The following CCSER1 variants were observed in gnomAD, a reference collection of about 807,000 sequenced individuals.
CCSER1 encodes coiled-coil serine rich protein 1.
CCSER1 carries 41 observed loss-of-function variants against 82.0 expected under a neutral mutation model. The observed-to-expected ratio is 0.50, with a 90% CI of 0.39 to 0.65. The LOEUF is 0.65. Among genes scored for constraint, CCSER1 ranks in the 30% least tolerant of loss-of-function variants. The pLI is 0.00. For synonymous variants in CCSER1, 414 were observed against 383.9 expected, an observed-to-expected ratio of 1.08 and a Z score of -0.92; for missense variants, 1,119 against 1,064.2, an observed-to-expected ratio of 1.05 and a Z score of -0.72.
At chr4:90,333,221 CCT>C (rs1739661988) in intron 3 of CCSER1, among the ~76,000 whole-genome samples, 1 of 152,124 alleles carries the variant, frequency 6.6e-6, no homozygotes. Context: ...TAGTTCCTCA[CCT>C]CTCTGTGGAA....
intron 4 of CCSER1, among the ~76,000 whole-genome samples, chr4:90,448,444 A>AATGAAT (rs1553914350): frequency 9.1e-5 from 4 of 44,074 alleles, no homozygotes; most frequent in Non-Finnish European, 2.1e-4. Flanking sequence ...AGGTGAATTG[A>AATGAAT]ATATATATAT....
In CCSER1 at chr4:91,556,894, T is replaced by C. The variant is rs1408710402; in HGVS notation, c.2218-41678T>C. On this transcript the variant is annotated intron_variant, in intron 10 of 10. Transcript: ENST00000509176. ...GTTTTTGTTTTTCTTCTGACCAATATGTCAAAACAACAAAGTCACAGCCAT... is the reference window on the plus strand; with the variant it reads ...GTTTTTGTTTTTCTTCTGACCAATACGTCAAAACAACAAAGTCACAGCCAT... 2.0e-5 allele frequency among the ~76,000 whole-genome samples: 3 copies of C among 151,212 alleles called. No individual in the cohort carries two copies. In the Admixed American group the frequency reaches 2.0e-4, roughly 10 times the overall value.
intron 1 of CCSER1, among the ~76,000 whole-genome samples, chr4:90,129,871 C>A (rs920637996): frequency 6.6e-6 from 1 of 152,108 alleles, no homozygotes; most frequent in African/African-American, 2.4e-5. Context: ...GAACCCCATT[C>A]GGAGGGTTAT....
chr4:91,119,898 A>G (rs943124582), intron 10 of CCSER1, among the ~76,000 whole-genome samples: 1 of 151,986 alleles, frequency 6.6e-6, no homozygotes, highest in Non-Finnish European at 1.5e-5. Flanking sequence ...AGCAGTTAGG[A>G]AGATTTGCCA....
At chr4:91,587,082 T>C (rs1197945571) in intron 10 of CCSER1, among the ~76,000 whole-genome samples, 2 of 151,752 alleles carry the variant, frequency 1.3e-5, no homozygotes, top group African/African-American at 2.4e-5. Flanking sequence ...CAGATACCTC[T>C]TCTCTCACAG....
chr4:91,428,381 T>C (rs961870825), intron 10 of CCSER1, among the ~76,000 whole-genome samples: 1 of 152,088 alleles, frequency 6.6e-6, no homozygotes, highest in African/African-American at 2.4e-5. Flanking sequence ...CAAAATGCAG[T>C]GGACATGTGA....
intron 5 of CCSER1, among the ~76,000 whole-genome samples, chr4:90,623,023 ATTTTT>A (rs35838784): frequency 8.9e-5 from 10 of 112,630 alleles, no homozygotes; most frequent in African/African-American, 2.8e-4. Context: ...TGGGTAAAGG[ATTTTT>A]TTTTTTTTTT....
At chr4:91,318,794 A>G (rs983758183) in intron 10 of CCSER1, among the ~76,000 whole-genome samples, 1 of 152,052 alleles carries the variant, frequency 6.6e-6, no homozygotes, top group Non-Finnish European at 1.5e-5. Flanking sequence ...ATCATTTACT[A>G]AGTTATTGAG....
chr4:90,359,272 A>T (rs1028441002), intron 3 of CCSER1, among the ~76,000 whole-genome samples: 1 of 152,226 alleles, frequency 6.6e-6, no homozygotes, highest in African/African-American at 2.4e-5. Flanking sequence ...AAAATAGTAT[A>T]TGAGAATGCT....
chr4:91,260,770 AT>A (rs200607710), intron 10 of CCSER1, among the ~76,000 whole-genome samples: 2 of 149,918 alleles, frequency 1.3e-5, no homozygotes, highest in Non-Finnish European at 1.5e-5. Flanking sequence ...TTATTTTTTT[AT>A]TTTTTTTGAG....
chr4:91,444,679 A>G (rs576828475), intron 10 of CCSER1, among the ~76,000 whole-genome samples: 1 of 152,206 alleles, frequency 6.6e-6, no homozygotes, highest in Admixed American at 6.5e-5. Context: ...CAAACTCCTG[A>G]CCTCAGGTGA....
At chr4:91,153,196 G>A (rs1032318618) in intron 10 of CCSER1, among the ~76,000 whole-genome samples, 1 of 151,876 alleles carries the variant, frequency 6.6e-6, no homozygotes, top group African/African-American at 2.4e-5. Flanking sequence ...TTTCTTAGAG[G>A]CTTTGTTCAT....
intron 5 of CCSER1, among the ~76,000 whole-genome samples, chr4:90,551,870 G>A (rs138040931): frequency 6.6e-6 from 1 of 151,858 alleles, no homozygotes; most frequent in Non-Finnish European, 1.5e-5. Context: ...CTTTTAAAGA[G>A]CAGACATTGA....
intron 8 of CCSER1, among the ~76,000 whole-genome samples, chr4:90,917,760 C>T (rs1349389799): frequency 6.6e-6 from 1 of 151,996 alleles, no homozygotes; most frequent in Non-Finnish European, 1.5e-5. Context: ...ACATTGAAGT[C>T]CCTTACAAGA....
At chr4:91,418,413 C>A (rs1265344497) in intron 10 of CCSER1, among the ~76,000 whole-genome samples, 1 of 149,930 alleles carries the variant, frequency 6.7e-6, no homozygotes, top group Non-Finnish European at 1.5e-5. Flanking sequence ...ACAAATTATA[C>A]CACAGAAATA....
chr4:91,196,188 A>AAT (rs1310574202), intron 10 of CCSER1, among the ~76,000 whole-genome samples: 5 of 151,906 alleles, frequency 3.3e-5, no homozygotes, highest in African/African-American at 9.7e-5. Flanking sequence ...CAAAAAAAAA[A>AAT]AAAAAAAAAG....
chr4:91,149,571 G>C (rs957014598), intron 10 of CCSER1, among the ~76,000 whole-genome samples: 1 of 152,088 alleles, frequency 6.6e-6, no homozygotes, highest in African/African-American at 2.4e-5. Context: ...TGTCCTGAAT[G>C]GTATTGCCTA....
chr4:90,597,743 A>G (rs1007166445), intron 5 of CCSER1, among the ~76,000 whole-genome samples: 5 of 152,100 alleles, frequency 3.3e-5, no homozygotes, highest in Non-Finnish European at 7.4e-5. Flanking sequence ...CATGTTGTAC[A>G]TTAGATATCT....
chr4:90,887,938 C>G (rs1446045236), intron 8 of CCSER1, among the ~76,000 whole-genome samples: 1 of 151,716 alleles, frequency 6.6e-6, no homozygotes, highest in Non-Finnish European at 1.5e-5. Flanking sequence ...TCAACAATGA[C>G]AGAGAGATCA....
Sources: gnomAD v4.1 joint callset for allele counts (sites outside exome capture counted in the v4.1 genomes callset) on GRCh38, gnomAD v4.1.1 for gene constraint, MANE v1.5 for transcripts, NCBI Gene and HGNC (gene_info 2026-07-23, HGNC 2026-07-21) for gene names.